HS3ST4: variants seen among roughly 807,000 people sequenced by gnomAD.
HS3ST4 encodes heparan sulfate glucosamine 3-O-sulfotransferase 4.
HS3ST4 carries 17 observed loss-of-function variants against 29.2 expected under a neutral mutation model. The ratio of observed to expected loss-of-function variants is 0.58; its 90% confidence interval spans 0.40 to 0.87. The LOEUF is 0.87. Ranked by LOEUF, HS3ST4 falls within the 40% of genes least tolerant of loss-of-function variation. The pLI is 0.00. For synonymous variants in HS3ST4, 314 were observed against 285.7 expected, an observed-to-expected ratio of 1.10 and a Z score of -1.00; for missense variants, 627 against 634.5, an observed-to-expected ratio of 0.99 and a Z score of 0.13.
chr16:26,096,303 G>A (rs878888699), intron 1 of HS3ST4, among the ~76,000 whole-genome samples: 1 of 151,990 alleles, frequency 6.6e-6, no homozygotes, highest in Non-Finnish European at 1.5e-5. Context: ...AAAGAGAATT[G>A]TAGACCAATA....
At chr16:25,793,064 A>G (rs1966873246) in intron 1 of HS3ST4, among the ~76,000 whole-genome samples, 1 of 151,616 alleles carries the variant, frequency 6.6e-6, no homozygotes, top group South Asian at 2.1e-4. Flanking sequence ...AACATTTTGG[A>G]TATTTTAGTT....
In HS3ST4 at chr16:26,042,105, T is replaced by G. The variant is rs567235939; in HGVS notation, c.735-93507T>G. 7.0e-4 allele frequency among the ~76,000 whole-genome samples: 107 copies of G among 152,126 alleles called. 1 individual carries two copies. The highest frequency in any genetic ancestry group is 1.3e-3 in the Non-Finnish European group (91 of 68,020). On this transcript the variant is annotated intron_variant, in intron 1 of 1. Transcript: ENST00000331351. Reference sequence around the variant, plus strand: ...GCTCTTATTCAAAAATCCTTTAAGATCACAGATAGGCATTCTGTGCCCCCC... The same window carrying G: ...GCTCTTATTCAAAAATCCTTTAAGAGCACAGATAGGCATTCTGTGCCCCCC...
intron 1 of HS3ST4, among the ~76,000 whole-genome samples, chr16:25,755,529 A>G (rs912828896): frequency 6.6e-6 from 1 of 152,214 alleles, no homozygotes; most frequent in Non-Finnish European, 1.5e-5. Flanking sequence ...AGAACTTCGT[A>G]GATCATGTGG....
chr16:26,040,154 T>G (rs1969622610), intron 1 of HS3ST4, among the ~76,000 whole-genome samples: 1 of 152,212 alleles, frequency 6.6e-6, no homozygotes, highest in African/African-American at 2.4e-5. Context: ...CATTTAAGTT[T>G]TATTTTTTAT....
chr16:26,004,830 G>T (rs1969242845), intron 1 of HS3ST4, among the ~76,000 whole-genome samples: 1 of 152,130 alleles, frequency 6.6e-6, no homozygotes, highest in Non-Finnish European at 1.5e-5. Context: ...TGGTTTTTAT[G>T]ATTTCATTTT....
chr16:26,088,495 G>C (rs911042682), intron 1 of HS3ST4, among the ~76,000 whole-genome samples: 3 of 152,142 alleles, frequency 2.0e-5, no homozygotes, highest in African/African-American at 7.2e-5. Context: ...TGAGGCGAAT[G>C]GTTGGTTATT....
intron 1 of HS3ST4, among the ~76,000 whole-genome samples, chr16:26,040,982 G>A (rs1470312231): frequency 2.0e-5 from 3 of 152,148 alleles, no homozygotes; most frequent in African/African-American, 7.2e-5. Context: ...CTGGGGAGGT[G>A]AGCTTATGAA....
intron 1 of HS3ST4, among the ~76,000 whole-genome samples, chr16:26,005,900 A>G (rs1043420829): frequency 2.6e-5 from 4 of 152,166 alleles, no homozygotes; most frequent in Admixed American, 2.6e-4. Context: ...GCCAGATTAT[A>G]GTAGCATCCC....
At chr16:25,876,818 T>C (rs908059610) in intron 1 of HS3ST4, among the ~76,000 whole-genome samples, 2 of 152,124 alleles carry the variant, frequency 1.3e-5, no homozygotes, top group Non-Finnish European at 2.9e-5. Flanking sequence ...AGTTGTTCTC[T>C]CCTATCTCCT....
intron 1 of HS3ST4, among the ~76,000 whole-genome samples, chr16:25,775,955 G>C (rs1966847215): frequency 6.6e-6 from 1 of 152,224 alleles, no homozygotes; most frequent in Admixed American, 6.5e-5. Flanking sequence ...GTCTTAGTTT[G>C]AAGTCTGGTT....
chr16:25,843,851 T>C (rs1409078419), intron 1 of HS3ST4, among the ~76,000 whole-genome samples: 5 of 152,204 alleles, frequency 3.3e-5, no homozygotes, highest in Non-Finnish European at 7.3e-5. Context: ...TGGGATCGCT[T>C]GATGCAAGGT....
chr16:26,115,753 G>C (rs1899194398), intron 1 of HS3ST4, among the ~76,000 whole-genome samples: 1 of 152,000 alleles, frequency 6.6e-6, no homozygotes, highest in Non-Finnish European at 1.5e-5. Context: ...ACATTCTATA[G>C]ACTTGGCAGA....
intron 1 of HS3ST4, among the ~76,000 whole-genome samples, chr16:26,102,281 G>A (rs2141797351): frequency 6.6e-6 from 1 of 151,380 alleles, no homozygotes; most frequent in South Asian, 2.1e-4. Context: ...TATCAAGACA[G>A]CCTCCAAGGT....
intron 1 of HS3ST4, among the ~76,000 whole-genome samples, chr16:26,093,798 G>T (rs1221739937): frequency 6.6e-6 from 1 of 152,090 alleles, no homozygotes; most frequent in Non-Finnish European, 1.5e-5. Context: ...CAGAAGGTTG[G>T]TAATAACAAA....
chr16:25,700,927 C>A (rs771519850), intron 1 of HS3ST4, among the ~76,000 whole-genome samples: 1 of 152,020 alleles, frequency 6.6e-6, no homozygotes, highest in Non-Finnish European at 1.5e-5. Context: ...CAAAGCAACA[C>A]GTGAATTAGA....
intron 1 of HS3ST4, among the ~76,000 whole-genome samples, chr16:25,730,153 T>G (rs1170813320): frequency 6.6e-6 from 1 of 152,154 alleles, no homozygotes; most frequent in Non-Finnish European, 1.5e-5. Flanking sequence ...CATGGTGGTG[T>G]TAAATTATGT....
At chr16:25,932,354 C>G (rs981440529) in intron 1 of HS3ST4, among the ~76,000 whole-genome samples, 3 of 152,202 alleles carry the variant, frequency 2.0e-5, no homozygotes, top group Non-Finnish European at 2.9e-5. Flanking sequence ...ACTTGGTGCT[C>G]TCTATCCCCA....
At chr16:25,815,951 A>G (rs918096646) in intron 1 of HS3ST4, among the ~76,000 whole-genome samples, 1 of 152,188 alleles carries the variant, frequency 6.6e-6, no homozygotes, top group African/African-American at 2.4e-5. Flanking sequence ...GCCTTCTCAA[A>G]TGAAATTCAT....
At chr16:25,731,931 A>G (rs181237363) in intron 1 of HS3ST4, among the ~76,000 whole-genome samples, 242 of 152,336 alleles carry the variant, frequency 1.6e-3, no homozygotes, top group African/African-American at 5.2e-3. Context: ...TGAGCAGACG[A>G]TTTGTTAGAA....
Sources: gnomAD v4.1 joint callset for allele counts (sites outside exome capture counted in the v4.1 genomes callset) on GRCh38, gnomAD v4.1.1 for gene constraint, MANE v1.5 for transcripts, NCBI Gene and HGNC (gene_info 2026-07-23, HGNC 2026-07-21) for gene names.